The following GALNT18 variants were observed in gnomAD, a reference collection of about 807,000 sequenced individuals.
The protein encoded by GALNT18 is polypeptide N-acetylgalactosaminyltransferase 18, also known as GalNAc-transferase 18.
In GALNT18, 44 loss-of-function variants were observed where a neutral mutation model predicts 69.5. That is an observed-to-expected ratio of 0.63 (90% confidence interval 0.50 to 0.81). The LOEUF is 0.81. Among genes scored for constraint, GALNT18 ranks in the 40% least tolerant of loss-of-function variants. GALNT18 has a pLI of 0.00. For missense variants in GALNT18, 715 were observed against 810.0 expected (o/e 0.88, Z 1.42); for synonymous variants, 364 against 318.2 (o/e 1.14, Z -1.53).
chr11:11,450,673 C>G (rs1321595448), intron 1 of GALNT18, among the ~76,000 whole-genome samples: 1 of 152,218 alleles, frequency 6.6e-6, no homozygotes, highest in African/African-American at 2.4e-5. Context: ...TGGGACACCC[C>G]TGTAACTCTT....
chr11:11,539,416 T>C (rs942891060), intron 1 of GALNT18, among the ~76,000 whole-genome samples: 2 of 152,146 alleles, frequency 1.3e-5, no homozygotes, highest in Non-Finnish European at 2.9e-5. Context: ...AGTGAGCAGG[T>C]CGCTTTCCTT....
rs1374078470 is a variant in GALNT18 at position 11,608,573 on chromosome 11, G to A, written c.235+12786C>T. ...AGACAGGATTTCATCATGTTGGTCAGGTTGGTCTCAAACTCCTGACCTCAT... is the reference window on the plus strand; with the variant it reads ...AGACAGGATTTCATCATGTTGGTCAAGTTGGTCTCAAACTCCTGACCTCAT... On this transcript the variant is annotated intron_variant, in intron 1 of 10. Coordinates refer to ENST00000227756, the MANE Select transcript of GALNT18 (RefSeq NM_198516.3). Among the ~76,000 whole-genome samples the A allele has an allele frequency of 2.6e-5, 4 of 152,108 alleles. No homozygotes were observed. The East Asian group carries it at 7.7e-4, about 29-fold the overall frequency.
chr11:11,285,462 G>C (rs1367419506), intron 10 of GALNT18, among the ~76,000 whole-genome samples: 1 of 152,168 alleles, frequency 6.6e-6, no homozygotes, highest in African/African-American at 2.4e-5. Flanking sequence ...CCCAGGTCTG[G>C]GTAGTGGGGA....
rs1853794724 is a variant in GALNT18, at chr11:11,377,457, CT to C, written c.780-79del. 19 of 1,309,072 alleles carry C rather than the reference CT, an allele frequency of 1.5e-5. No individual in the cohort carries two copies. Among genetic ancestry groups the C allele is most frequent in the Non-Finnish European group, 2.1e-5 (19 of 914,854 alleles). 81.1% of individuals were successfully genotyped at this position (1,309,072 alleles called of 1,614,324 possible). ...TCCAGAGTAGCATCTCCTGAAGGTC[CT>C]TCCCCAGCAGAAAGAGGAAGGAAGG... On this transcript the variant is annotated intron_variant, in intron 4 of 10. Coordinates refer to ENST00000227756, the MANE Select transcript of GALNT18 (RefSeq NM_198516.3). The surrounding 1 kb of genome is among the most constrained non-coding windows in gnomAD (Gnocchi z 4.6).
rs562230178 is a variant in GALNT18, at chr11:11,537,801, A to T, written c.235+83558T>A. Among the ~76,000 whole-genome samples, 15 of 152,302 alleles carry T rather than the reference A, an allele frequency of 9.8e-5. No individual in the cohort carries two copies. The East Asian group carries it at 2.1e-3, about 22-fold the overall frequency. ...AACCCAAAACCCTGAATTTTTAACAAGCTTCTCAGATATTTGGATTACAAC... is the reference window on the plus strand; with the variant it reads ...AACCCAAAACCCTGAATTTTTAACATGCTTCTCAGATATTTGGATTACAAC... On this transcript the variant is annotated intron_variant, in intron 1 of 10. Coordinates refer to ENST00000227756, the MANE Select transcript of GALNT18 (RefSeq NM_198516.3).
At chr11:11,458,745 C>G (rs1855976306) in intron 1 of GALNT18, among the ~76,000 whole-genome samples, 1 of 152,262 alleles carries the variant, frequency 6.6e-6, no homozygotes, top group African/African-American at 2.4e-5. Context: ...AGCTTGCCAT[C>G]TGCTGTGTCG....
In GALNT18 at chr11:11,618,007, T is replaced by A. The variant is rs1860098978; in HGVS notation, c.235+3352A>T. ...AAACTTCCCAAAACTGCAATTTACA[T>A]TCCCAAGAGATTCCCAAACACCATC... On this transcript the variant is annotated intron_variant, in intron 1 of 10. Coordinates refer to ENST00000227756, the MANE Select transcript of GALNT18 (RefSeq NM_198516.3). The surrounding 1 kb of genome is among the most constrained non-coding windows in gnomAD (Gnocchi z 6.1). 6.6e-6 allele frequency among the ~76,000 whole-genome samples: 1 copy of A among 152,216 alleles called. No homozygotes were observed. The highest frequency in any genetic ancestry group is 1.5e-5 in the Non-Finnish European group (1 of 68,036).
At position 11,348,293 on chromosome 11, in the gene GALNT18, G is replaced by A. The variant is rs1850337520; in HGVS notation, c.1093-7289C>T. Among the ~76,000 whole-genome samples, 4 of 150,912 alleles carry A rather than the reference G, an allele frequency of 2.7e-5. No homozygotes were observed. The Admixed American group carries it at 2.7e-4, about 10-fold the overall frequency. On this transcript the variant is annotated intron_variant, in intron 6 of 10. Coordinates refer to ENST00000227756, the MANE Select transcript of GALNT18 (RefSeq NM_198516.3). ...CTCAGGAGGCTCAGGCAGGAGAATC[G>A]CTTGAACCCAGGAGGCGGAGATTGC...
rs111662372 is a variant in GALNT18, at chr11:11,295,471, C to T, written c.1513-2278G>A. On this transcript the variant is annotated intron_variant, in intron 9 of 10. Coordinates refer to ENST00000227756, the MANE Select transcript of GALNT18 (RefSeq NM_198516.3). ...TAAGAGAAAAGTCATGGAGAGAAAGCTGAGAGGAGGGCTTTGGGGTCATGG... is the reference window on the plus strand; with the variant it reads ...TAAGAGAAAAGTCATGGAGAGAAAGTTGAGAGGAGGGCTTTGGGGTCATGG... 5.0e-3 allele frequency among the ~76,000 whole-genome samples: 756 copies of T among 152,236 alleles called. 9 individuals carry two copies. Among genetic ancestry groups the T allele is most frequent in the African/African-American group, 0.017 (694 of 41,556 alleles).
chr11:11,340,949 A>T lies in GALNT18; in HGVS notation c.1148T>A (p.Ile383Asn). ...TGTGTAGGGCTTGTGGGCTCGCTCAATGTGGGCAATCCGTGAGCAGGGCAG... is the reference window on the plus strand; with the variant it reads ...TGTGTAGGGCTTGTGGGCTCGCTCATTGTGGGCAATCCGTGAGCAGGGCAG... ...EVLPCSRIAH[I>N]ERAHKPYTED... The change falls in exon 7 of 11, where the codon ATT becomes AAT. Residue 383 changes from isoleucine (I) to asparagine (N), a missense_variant. Transcript: ENST00000227756. The surrounding 1 kb of genome is among the most constrained non-coding windows in gnomAD (Gnocchi z 4.2). 1 of 1,612,552 alleles carries T rather than the reference A, an allele frequency of 6.2e-7. No individual in the cohort carries two copies. The highest frequency in any genetic ancestry group is 8.5e-7 in the Non-Finnish European group (1 of 1,179,338).
chr11:11,360,779 C>A (rs1166939815), intron 6 of GALNT18, among the ~76,000 whole-genome samples: 1 of 151,964 alleles, frequency 6.6e-6, no homozygotes, highest in Non-Finnish European at 1.5e-5. Context: ...TTGCTATGCT[C>A]ATTTTTATTT....
In GALNT18 at chr11:11,598,276, A is replaced by G. The variant is rs1329333297; in HGVS notation, c.235+23083T>C. Among the ~76,000 whole-genome samples, 3 of 152,224 alleles carry G rather than the reference A, an allele frequency of 2.0e-5. No individual in the cohort carries two copies. Among genetic ancestry groups the G allele is most frequent in the Non-Finnish European group, 4.4e-5 (3 of 68,030 alleles). On this transcript the variant is annotated intron_variant, in intron 1 of 10. Coordinates refer to ENST00000227756, the MANE Select transcript of GALNT18 (RefSeq NM_198516.3). This position sits in a 1 kb window ranked among gnomAD's most constrained non-coding sequence, Gnocchi z 4.8. ...ATTATTATAAACCCAATGGCTTAAA[A>G]CAACAGAAACTTATTCTCTAACAAT...
At chr11:11,453,737 C>T (rs1269191464) in intron 1 of GALNT18, among the ~76,000 whole-genome samples, 2 of 152,320 alleles carry the variant, frequency 1.3e-5, no homozygotes, top group East Asian at 1.9e-4. Flanking sequence ...TGCACACGCT[C>T]TCTTCCCTGC....
At chr11:11,408,025 A>C (rs1854631916) in intron 3 of GALNT18, among the ~76,000 whole-genome samples, 1 of 152,240 alleles carries the variant, frequency 6.6e-6, no homozygotes, top group Non-Finnish European at 1.5e-5. Flanking sequence ...AGCTGCCCAG[A>C]GAGAGAAATT....
rs1231162735 is a variant in GALNT18 at position 11,436,265 on chromosome 11, G to A, written c.429-3478C>T. Reference sequence around the variant, plus strand: ...TGGTCACAGAATAAGGAAATGGGAAGAAAGGATCACTCAGATGGCTTCTCT... The same window carrying A: ...TGGTCACAGAATAAGGAAATGGGAAAAAAGGATCACTCAGATGGCTTCTCT... On this transcript the variant is annotated intron_variant, in intron 2 of 10. Transcript: ENST00000227756. The surrounding 1 kb of genome is among the most constrained non-coding windows in gnomAD (Gnocchi z 4.5). Among the ~76,000 whole-genome samples, 1 of 152,212 alleles carries A rather than the reference G, an allele frequency of 6.6e-6. No individual in the cohort carries two copies. Among genetic ancestry groups the A allele is most frequent in the Non-Finnish European group, 1.5e-5 (1 of 68,032 alleles).
intron 1 of GALNT18, among the ~76,000 whole-genome samples, chr11:11,569,029 T>G (rs1174142453): frequency 2.0e-5 from 3 of 152,158 alleles, no homozygotes; most frequent in African/African-American, 7.2e-5. Flanking sequence ...ATCTGACACA[T>G]GCTGATCCTC....
chr11:11,588,766 T>C (rs1859284194), intron 1 of GALNT18, among the ~76,000 whole-genome samples: 1 of 152,242 alleles, frequency 6.6e-6, no homozygotes. Context: ...TGAGAGTGAC[T>C]TGTGATTTGT....
chr11:11,520,641 C>T (rs11021893), intron 1 of GALNT18, among the ~76,000 whole-genome samples: 31,519 of 152,082 alleles, frequency 0.21, 3,836 homozygotes, highest in Non-Finnish European at 0.25. Context: ...CTCTGGGGAC[C>T]CACACCTCTG....
At chr11:11,343,684 G>A (rs1045238032) in intron 6 of GALNT18, among the ~76,000 whole-genome samples, 2 of 152,158 alleles carry the variant, frequency 1.3e-5, no homozygotes, top group Admixed American at 1.3e-4. Context: ...ACAACACAAA[G>A]AGTCAGGGTA....
Sources: gnomAD v4.1 joint callset for allele counts (sites outside exome capture counted in the v4.1 genomes callset) on GRCh38, gnomAD v4.1.1 for gene constraint, Gnocchi (gnomAD v3.1) non-coding constraint, MANE v1.5 for transcripts, NCBI Gene and HGNC (gene_info 2026-07-23, HGNC 2026-07-21) for gene names.